Variants in CERT1 observed in about 807,000 individuals in gnomAD.
The protein encoded by CERT1 is ceramide transporter 1.
In CERT1, 31 loss-of-function variants were observed where a neutral mutation model predicts 87.9. The ratio of observed to expected loss-of-function variants is 0.35; its 90% confidence interval spans 0.27 to 0.48. The LOEUF (loss-of-function observed/expected upper bound fraction) is 0.48. Ranked by LOEUF, CERT1 falls within the 20% of genes least tolerant of loss-of-function variation. The probability of loss-of-function intolerance (pLI) is 0.99; values close to 1 mark genes in which losing one functional copy is unlikely to be tolerated. For synonymous variants in CERT1, 289 were observed against 250.9 expected (o/e 1.15, Z -1.44); for missense variants, 487 against 758.0 (o/e 0.64, Z 4.20).
chr5:75,437,912 C>A lies in CERT1; in HGVS notation c.349-11434G>T, dbSNP rs865877765. Among the ~76,000 whole-genome samples the A allele has an allele frequency of 2.0e-5, 3 of 151,686 alleles. No individual in the cohort carries two copies. The South Asian group carries it at 6.2e-4, about 31-fold the overall frequency. Reference sequence around the variant, plus strand: ...AAAAATTTTGAGTTTTTAACAAATACAAATATACACACAAATACACCTTCA... The same window carrying A: ...AAAAATTTTGAGTTTTTAACAAATAAAAATATACACACAAATACACCTTCA... On this transcript the variant is annotated intron_variant, in intron 3 of 16. Transcript: ENST00000643780.
chr5:75,385,675 C>A (rs3846665), intron 13 of CERT1, among the ~76,000 whole-genome samples: 35,450 of 152,010 alleles, frequency 0.23, 4,281 homozygotes, highest in South Asian at 0.43. Context: ...AGCAATAATA[C>A]CTACCTATCA....
chr5:75,378,931 C>A lies in CERT1; in HGVS notation c.*415G>T, dbSNP rs1324449106. The stretch of plus-strand genomic sequence containing the variant: ...CGGTGGCTCATGTCTGTAATCCCAG[C>A]ACTTTGGGAGGCTGAGGCAGGAGGA... On this transcript the variant is annotated 3_prime_UTR_variant, in exon 17 of 17. Transcript: ENST00000643780. 1.9e-5 allele frequency: 3 copies of A among 154,514 alleles called. No homozygotes were observed. Among genetic ancestry groups the A allele is most frequent in the Non-Finnish European group, 2.9e-5 (2 of 69,678 alleles). The allele number at this position is 154,514 out of a possible 1,614,324, so 9.6% of individuals were successfully genotyped here.
intron 2 of CERT1, among the ~76,000 whole-genome samples, chr5:75,492,370 T>C (rs1266616930): frequency 6.6e-6 from 1 of 151,858 alleles, no homozygotes; most frequent in Admixed American, 6.6e-5. Context: ...TTAAAATAAA[T>C]AAATAAAATT....
rs1765359252 is a variant in CERT1, at chr5:75,464,229, G to A, written c.232-5048C>T. Among the ~76,000 whole-genome samples the A allele has an allele frequency of 2.0e-5, 3 of 152,130 alleles. No individual in the cohort carries two copies. The South Asian group carries it at 6.2e-4, about 32-fold the overall frequency. On this transcript the variant is annotated intron_variant, in intron 2 of 16. Coordinates refer to ENST00000643780, the MANE Select transcript of CERT1 (RefSeq NM_001379029.1). ...CATTGGAGAAGTAAAGGAACTGGAG[G>A]CAGCAGGTAGCACTAGAGGTTAAGG... is the stretch of plus-strand genomic sequence containing the variant.
chr5:75,506,194 A>T lies in CERT1; in HGVS notation c.97-78T>A, dbSNP rs115888642. ...TTTAGAAATCCAAACTTTGTGAAAC[A>T]GCAATCTAATTTTAAAACCAAAACG... On this transcript the variant is annotated intron_variant, in intron 1 of 16. Coordinates refer to ENST00000643780, the MANE Select transcript of CERT1 (RefSeq NM_001379029.1). 1,602 of 1,401,508 alleles carry T rather than the reference A, an allele frequency of 1.1e-3. 4 individuals carry two copies. The highest frequency in any genetic ancestry group is 1.4e-3 in the Non-Finnish European group (1,434 of 1,022,242). The allele number at this position is 1,401,508 out of a possible 1,614,324, so 86.8% of individuals were successfully genotyped here. A position where few individuals can be genotyped will look rare whatever the true frequency, so the allele number is the denominator to read the frequency against.
At chr5:75,391,392 A>T (rs1762023196) in intron 11 of CERT1, among the ~76,000 whole-genome samples, 1 of 152,236 alleles carries the variant, frequency 6.6e-6, no homozygotes, top group Non-Finnish European at 1.5e-5. Flanking sequence ...TCAAAAAGAA[A>T]TTTTTTGACA....
chr5:75,458,913 C>CA lies in CERT1; in HGVS notation c.348+151dup. On this transcript the variant is annotated intron_variant, in intron 3 of 16. Coordinates refer to ENST00000643780, the MANE Select transcript of CERT1 (RefSeq NM_001379029.1). ...AAAGTGTTAAAAATAAAAATTATTTCAAAAATTTACATATGAACTGCTTTA... is the reference window on the plus strand; with the variant it reads ...AAAGTGTTAAAAATAAAAATTATTTCAAAAAATTTACATATGAACTGCTTTA... The CA allele has an allele frequency of 7.2e-6, 4 of 555,656 alleles. No individual in the cohort carries two copies. The East Asian group carries it at 1.1e-4, about 16-fold the overall frequency. 34.4% of individuals were successfully genotyped at this position (555,656 alleles called of 1,614,324 possible). A position where few individuals can be genotyped will look rare whatever the true frequency, so the allele number is the denominator to read the frequency against.
rs1274865861 is a variant in CERT1 at position 75,391,553 on chromosome 5, T to C, written c.1189-1866A>G. On this transcript the variant is annotated intron_variant, in intron 11 of 16. Transcript: ENST00000643780. ...CAATTTTACAAAGCCTTGGAAAATATAACTTTTGGTGTTGCATGGAGAACC... is the reference window on the plus strand; with the variant it reads ...CAATTTTACAAAGCCTTGGAAAATACAACTTTTGGTGTTGCATGGAGAACC... Among the ~76,000 whole-genome samples the C allele has an allele frequency of 2.0e-5, 3 of 152,360 alleles. 1 individual carries two copies. In the South Asian group the frequency reaches 6.2e-4, roughly 32 times the overall value.
intron 2 of CERT1, among the ~76,000 whole-genome samples, chr5:75,459,989 A>T (rs4547910): frequency 1.3e-5 from 2 of 149,326 alleles, no homozygotes; most frequent in African/African-American, 4.9e-5. Flanking sequence ...AAAAAAAAAA[A>T]GATGGAGCCT....
intron 2 of CERT1, among the ~76,000 whole-genome samples, chr5:75,481,414 C>T (rs896314886): frequency 3.9e-5 from 6 of 152,032 alleles, no homozygotes; most frequent in Admixed American, 3.3e-4. Context: ...ATACGGTGCA[C>T]CTTAAATTTA....
intron 2 of CERT1, among the ~76,000 whole-genome samples, chr5:75,504,527 A>G (rs1264835619): frequency 6.6e-6 from 1 of 152,202 alleles, no homozygotes; most frequent in African/African-American, 2.4e-5. Context: ...CCCTAAATGC[A>G]TAACAAACAT....
chr5:75,401,878 A>G (rs1383986997), intron 9 of CERT1: 2 of 152,214 alleles, frequency 1.3e-5, no homozygotes, highest in African/African-American at 4.8e-5. Context: ...TGACACATAC[A>G]TGATTATTTG....
chr5:75,390,430 A>C (rs1761984632), intron 11 of CERT1, among the ~76,000 whole-genome samples: 1 of 152,044 alleles, frequency 6.6e-6, no homozygotes, highest in Non-Finnish European at 1.5e-5. Flanking sequence ...TTCTTTTAAA[A>C]TTTCTAATAA....
At chr5:75,405,767 TTAAAA>T (rs1165415132) in intron 8 of CERT1, among the ~76,000 whole-genome samples, 1 of 151,940 alleles carries the variant, frequency 6.6e-6, no homozygotes, top group Non-Finnish European at 1.5e-5. Flanking sequence ...TTTATTATTG[TTAAAA>T]TAAAAATTAA....
At position 75,433,999 on chromosome 5, in the gene CERT1, C is replaced by T. The variant is rs115114367; in HGVS notation, c.349-7521G>A. 1.4e-3 allele frequency among the ~76,000 whole-genome samples: 213 copies of T among 152,168 alleles called. 1 individual carries two copies. Among genetic ancestry groups the T allele is most frequent in the Middle Eastern group, 3.4e-3 (1 of 294 alleles). The stretch of plus-strand genomic sequence containing the variant: ...CTTTTATTTCCTTCTCTTGACTTAT[C>T]GTTCTGGCTAAGAGCTTCCAGCATT... On this transcript the variant is annotated intron_variant, in intron 3 of 16. Transcript: ENST00000643780.
chr5:75,426,492 T>G lies in CERT1; in HGVS notation c.349-14A>C. 2 of 1,503,736 alleles carry G rather than the reference T, an allele frequency of 1.3e-6. No individual in the cohort carries two copies. The highest frequency in any genetic ancestry group is 1.4e-5 in the African/African-American group (1 of 72,548). The allele number at this position is 1,503,736 out of a possible 1,614,324, so 93.1% of individuals were successfully genotyped here. A position where few individuals can be genotyped will look rare whatever the true frequency, so the allele number is the denominator to read the frequency against. Reference sequence around the variant, plus strand: ...TCCAGATTCAGTCTAAAAAAAAAAGTAAACTATGTGAAAAGAATTTAAATA... The same window carrying G: ...TCCAGATTCAGTCTAAAAAAAAAAGGAAACTATGTGAAAAGAATTTAAATA... On this transcript the variant is annotated splice_polypyrimidine_tract_variant and intron_variant, in intron 3 of 16. Coordinates refer to ENST00000643780, the MANE Select transcript of CERT1 (RefSeq NM_001379029.1).
At chr5:75,432,640 C>T in intron 3 of CERT1, among the ~76,000 whole-genome samples, 1 of 152,156 alleles carries the variant, frequency 6.6e-6, no homozygotes, top group Non-Finnish European at 1.5e-5. Context: ...TACTTTCTCT[C>T]TTTCTGTATG....
chr5:75,503,919 T>TTTAAATTG (rs1767530221), intron 2 of CERT1, among the ~76,000 whole-genome samples: 1 of 151,202 alleles, frequency 6.6e-6, no homozygotes. Flanking sequence ...TAATTTAAAA[T>TTTAAATTG]TTTCTTTTCT....
intron 7 of CERT1, among the ~76,000 whole-genome samples, chr5:75,413,836 G>A (rs951846778): frequency 1.3e-5 from 2 of 151,976 alleles, no homozygotes; most frequent in Admixed American, 1.3e-4. Context: ...AATCACTTTG[G>A]AAAATCATCA....
Sources: gnomAD v4.1 joint callset for allele counts (sites outside exome capture counted in the v4.1 genomes callset) on GRCh38, gnomAD v4.1.1 for gene constraint, MANE v1.5 for transcripts, NCBI Gene and HGNC (gene_info 2026-07-23, HGNC 2026-07-21) for gene names.